The following EPB41L4A variants were observed in gnomAD, a reference collection of about 807,000 sequenced individuals.
The protein encoded by EPB41L4A is erythrocyte membrane protein band 4.1 like 4A.
In EPB41L4A, 100 loss-of-function variants were observed where a neutral mutation model predicts 108.6. The ratio of observed to expected loss-of-function variants is 0.92; its 90% CI spans 0.78 to 1.09. The LOEUF is 1.09. Among genes scored for constraint, EPB41L4A ranks in the 50% least tolerant of loss-of-function variants. EPB41L4A has a pLI of 0.00. For missense variants in EPB41L4A, 1,030 were observed against 842.7 expected (o/e 1.22, Z -2.75); for synonymous variants, 319 against 289.0 (o/e 1.10, Z -1.05).
intron 4 of EPB41L4A, among the ~76,000 whole-genome samples, chr5:112,273,483 T>G (rs546545815): frequency 1.6e-4 from 25 of 152,350 alleles, no homozygotes; most frequent in African/African-American, 5.8e-4. Flanking sequence ...TTAACTCAAG[T>G]ATTTTTGGAC....
intron 1 of EPB41L4A, among the ~76,000 whole-genome samples, chr5:112,347,496 A>G (rs1757756985): frequency 6.6e-6 from 1 of 152,160 alleles, no homozygotes; most frequent in Non-Finnish European, 1.5e-5. Context: ...AATTCCATAT[A>G]CTATGGGCAT....
chr5:112,185,208 G>C (rs1003603167), intron 17 of EPB41L4A, among the ~76,000 whole-genome samples: 1 of 151,944 alleles, frequency 6.6e-6, no homozygotes, highest in African/African-American at 2.4e-5. Flanking sequence ...TATACAGAGC[G>C]GCATGGAATT....
chr5:112,362,842 A>G (rs1758859675), intron 1 of EPB41L4A, among the ~76,000 whole-genome samples: 1 of 152,178 alleles, frequency 6.6e-6, no homozygotes, highest in Non-Finnish European at 1.5e-5. Flanking sequence ...ATTCATCTCA[A>G]ACCTGATCTG....
At chr5:112,273,606 T>A (rs1252345817) in intron 4 of EPB41L4A, among the ~76,000 whole-genome samples, 1 of 152,196 alleles carries the variant, frequency 6.6e-6, no homozygotes, top group Non-Finnish European at 1.5e-5. Context: ...ATAAGAGCTT[T>A]ATATATATTA....
intron 2 of EPB41L4A, among the ~76,000 whole-genome samples, chr5:112,291,488 T>C (rs963551042): frequency 6.6e-6 from 1 of 152,220 alleles, no homozygotes; most frequent in Admixed American, 6.5e-5. Context: ...TAGTCTTTTG[T>C]TGAAATGTTG....
intron 1 of EPB41L4A, among the ~76,000 whole-genome samples, chr5:112,369,689 T>C (rs1451764378): frequency 6.6e-6 from 1 of 152,202 alleles, no homozygotes; most frequent in Non-Finnish European, 1.5e-5. Flanking sequence ...AGGTTGCCAC[T>C]AGGAAGCAGG....
intron 12 of EPB41L4A, among the ~76,000 whole-genome samples, chr5:112,233,441 A>G (rs1174219334): frequency 1.3e-5 from 2 of 152,230 alleles, no homozygotes; most frequent in Non-Finnish European, 2.9e-5. Context: ...GTATATGTCC[A>G]TAAGTATGGA....
At chr5:112,363,054 T>C (rs1407154084) in intron 1 of EPB41L4A, among the ~76,000 whole-genome samples, 1 of 152,134 alleles carries the variant, frequency 6.6e-6, no homozygotes, top group Non-Finnish European at 1.5e-5. Context: ...CAATTGGCCA[T>C]ATCATTTCCA....
At chr5:112,217,611 T>G (rs868069439) in intron 12 of EPB41L4A, among the ~76,000 whole-genome samples, 5 of 152,082 alleles carry the variant, frequency 3.3e-5, no homozygotes, top group Admixed American at 6.5e-5. Flanking sequence ...GGCAGGAGGA[T>G]TGTTTGAACT....
At chr5:112,259,404 G>T (rs990467693) in intron 8 of EPB41L4A, 112 bp from the exon 9 acceptor site, 2 of 798,888 alleles carry the variant, frequency 2.5e-6, no homozygotes, top group Middle Eastern at 2.3e-4. Context: ...TTTATATACT[G>T]CTCCATACCC....
chr5:112,419,767 G>A (rs1762981395), upstream of EPB41L4A: 2 of 456,666 alleles, frequency 4.4e-6, no homozygotes, highest in Middle Eastern at 3.3e-4. Context: ...ACCCAGACCA[G>A]CGAGGGGAGG....
At chr5:112,406,521 G>A (rs916313617) in intron 1 of EPB41L4A, among the ~76,000 whole-genome samples, 6 of 151,902 alleles carry the variant, frequency 3.9e-5, no homozygotes, top group South Asian at 2.1e-4. Context: ...AGCTTCCCTC[G>A]AGCAGAAGAC....
At chr5:112,397,099 C>G (rs1580827928) in intron 1 of EPB41L4A, among the ~76,000 whole-genome samples, 2 of 152,242 alleles carry the variant, frequency 1.3e-5, no homozygotes, top group Middle Eastern at 3.4e-3. Flanking sequence ...ACGCTTCCCT[C>G]TTTTGGAGTC....
intron 1 of EPB41L4A, among the ~76,000 whole-genome samples, chr5:112,350,281 G>A (rs1287299990): frequency 6.6e-6 from 1 of 152,174 alleles, no homozygotes; most frequent in Non-Finnish European, 1.5e-5. Flanking sequence ...AAAAAATACA[G>A]CTAAGGTCTC....
intron 9 of EPB41L4A, among the ~76,000 whole-genome samples, chr5:112,249,898 T>C (rs1030553065): frequency 6.6e-6 from 1 of 152,194 alleles, no homozygotes; most frequent in Non-Finnish European, 1.5e-5. Flanking sequence ...CTAGTAAGGT[T>C]GTGGGTTGTT....
At chr5:112,368,966 C>T (rs1049241413) in intron 1 of EPB41L4A, among the ~76,000 whole-genome samples, 1 of 152,172 alleles carries the variant, frequency 6.6e-6, no homozygotes, top group Non-Finnish European at 1.5e-5. Context: ...TCCATGCTCT[C>T]CTTGGAGCAG....
intron 6 of EPB41L4A, 74 bp downstream of exon 6, chr5:112,264,822 G>T: frequency 1.4e-6 from 2 of 1,453,956 alleles, no homozygotes; most frequent in Non-Finnish European, 1.9e-6. Context: ...TATCATTCTA[G>T]AAACTTTTCT....
chr5:112,199,322 C>T (rs1232397610), intron 15 of EPB41L4A, among the ~76,000 whole-genome samples: 1 of 152,124 alleles, frequency 6.6e-6, no homozygotes, highest in Non-Finnish European at 1.5e-5. Context: ...AGCCTGGATT[C>T]TAGTATTCTG....
chr5:112,211,276 G>C (rs1468119976), intron 12 of EPB41L4A, among the ~76,000 whole-genome samples: 1 of 152,054 alleles, frequency 6.6e-6, no homozygotes, highest in Non-Finnish European at 1.5e-5. Flanking sequence ...TCAACTGGGA[G>C]AGACAGACTC....
Sources: allele counts gnomAD v4.1 joint callset (sites outside exome capture counted in the v4.1 genomes callset), GRCh38; gene constraint gnomAD v4.1.1; transcripts MANE v1.5; gene names NCBI Gene and HGNC (gene_info 2026-07-23, HGNC 2026-07-21).